Variants in KCNIP4 observed in about 807,000 individuals in gnomAD.
KCNIP4 encodes Kv channel-interacting protein 4.
A neutral mutation model predicts 34.0 loss-of-function variants in KCNIP4; 12 were observed. The ratio of observed to expected loss-of-function variants is 0.35; its 90% confidence interval spans 0.23 to 0.57. KCNIP4 has a LOEUF of 0.57. KCNIP4 is among the 20% of genes least tolerant of loss of function. The pLI, the probability that KCNIP4 is intolerant of heterozygous loss-of-function variation, is 0.83. For synonymous variants in KCNIP4, 124 were observed against 102.2 expected (o/e 1.21, Z -1.29); for missense variants, 238 against 311.7 (o/e 0.76, Z 1.78).
At chr4:21,563,438 T>C (rs936691682) in intron 1 of KCNIP4, among the ~76,000 whole-genome samples, 1 of 152,104 alleles carries the variant, frequency 6.6e-6, no homozygotes, top group Non-Finnish European at 1.5e-5. Flanking sequence ...TGTTACTATA[T>C]TCAAATTGGG....
At chr4:21,487,742 G>A (rs1560453562) in intron 1 of KCNIP4, among the ~76,000 whole-genome samples, 1 of 151,970 alleles carries the variant, frequency 6.6e-6, no homozygotes, top group African/African-American at 2.4e-5. Context: ...TTAATATATT[G>A]GGTTGTAATA....
At chr4:21,643,016 C>A (rs1746725017) in intron 1 of KCNIP4, among the ~76,000 whole-genome samples, 1 of 152,038 alleles carries the variant, frequency 6.6e-6, no homozygotes, top group African/African-American at 2.4e-5. Flanking sequence ...TAACTGTAAC[C>A]TATTGAGGTA....
intron 1 of KCNIP4, among the ~76,000 whole-genome samples, chr4:21,857,750 C>T (rs13142511): frequency 0.074 from 11,273 of 152,272 alleles, 535 homozygotes; most frequent in Middle Eastern, 0.13. Flanking sequence ...AACTCAGGTT[C>T]TGCTGAATGG....
chr4:20,931,032 T>C (rs1446459447), intron 1 of KCNIP4, among the ~76,000 whole-genome samples: 1 of 151,996 alleles, frequency 6.6e-6, no homozygotes, highest in Non-Finnish European at 1.5e-5. Flanking sequence ...AATTCCTCTT[T>C]TGAGTAGGTA....
chr4:21,456,009 C>T (rs1577388833), intron 1 of KCNIP4, among the ~76,000 whole-genome samples: 2 of 145,552 alleles, frequency 1.4e-5, no homozygotes, highest in East Asian at 4.0e-4. Context: ...CTCCTTCCAT[C>T]GTATTTCTCC....
At chr4:21,849,764 T>A (rs542907653) in intron 1 of KCNIP4, 1 of 152,132 alleles carries the variant, frequency 6.6e-6, no homozygotes, top group Non-Finnish European at 1.5e-5. Flanking sequence ...ATAATCTTTA[T>A]GCACAGCAAA....
intron 2 of KCNIP4, among the ~76,000 whole-genome samples, chr4:20,856,784 C>A (rs951591568): frequency 1.3e-5 from 2 of 152,076 alleles, no homozygotes; most frequent in African/African-American, 4.8e-5. Context: ...GGAAATACAG[C>A]AAAAGTAGAG....
At chr4:21,234,417 CTAT>C (rs1560199377) in intron 1 of KCNIP4, among the ~76,000 whole-genome samples, 2 of 125,178 alleles carry the variant, frequency 1.6e-5, no homozygotes, top group African/African-American at 6.4e-5. Context: ...ATAACATATA[CTAT>C]ATATATTACA....
chr4:21,750,431 G>A (rs1560685902), intron 1 of KCNIP4, among the ~76,000 whole-genome samples: 1 of 152,170 alleles, frequency 6.6e-6, no homozygotes, highest in Non-Finnish European at 1.5e-5. Context: ...AGTGACACCA[G>A]CATTTCCAGT....
chr4:21,036,925 G>A (rs113611056), intron 1 of KCNIP4, among the ~76,000 whole-genome samples: 4 of 152,202 alleles, frequency 2.6e-5, no homozygotes, highest in Admixed American at 6.5e-5. Flanking sequence ...GACAAAATGT[G>A]GAGGTGGAAG....
chr4:21,656,049 G>T (rs574618692), intron 1 of KCNIP4, among the ~76,000 whole-genome samples: 1 of 152,268 alleles, frequency 6.6e-6, no homozygotes, highest in South Asian at 2.1e-4. Context: ...ATAAACAACA[G>T]AAATATATTG....
intron 1 of KCNIP4, among the ~76,000 whole-genome samples, chr4:21,466,657 A>G (rs1387276339): frequency 1.3e-5 from 2 of 152,182 alleles, no homozygotes; most frequent in Non-Finnish European, 2.9e-5. Context: ...TTTAATATTA[A>G]GGGTATAAAG....
chr4:21,159,382 T>TTAGGTATTCAA (rs1577808067), intron 1 of KCNIP4, among the ~76,000 whole-genome samples: 2 of 82,318 alleles, frequency 2.4e-5, no homozygotes, highest in South Asian at 3.4e-4. Context: ...ATACTAAAGA[T>TTAGGTATTCAA]ATGTTTGAGG....
intron 1 of KCNIP4, among the ~76,000 whole-genome samples, chr4:21,393,089 G>A (rs1722697526): frequency 6.6e-6 from 1 of 152,098 alleles, no homozygotes; most frequent in South Asian, 2.1e-4. Flanking sequence ...TGAAACGTTT[G>A]CCTCTTTCCT....
chr4:21,286,311 T>C (rs1285976900), intron 1 of KCNIP4, among the ~76,000 whole-genome samples: 2 of 152,210 alleles, frequency 1.3e-5, no homozygotes, highest in African/African-American at 4.8e-5. Context: ...CACCGTTCCC[T>C]ATTAATATGA....
intron 1 of KCNIP4, among the ~76,000 whole-genome samples, chr4:21,216,412 G>A (rs1411734976): frequency 6.6e-6 from 1 of 152,140 alleles, no homozygotes; most frequent in Non-Finnish European, 1.5e-5. Flanking sequence ...GTTAATTGCT[G>A]TGAATGACAT....
intron 1 of KCNIP4, among the ~76,000 whole-genome samples, chr4:21,188,069 A>C (rs1337856781): frequency 1.3e-5 from 2 of 152,238 alleles, no homozygotes; most frequent in South Asian, 2.1e-4. Flanking sequence ...TGTAGCACAT[A>C]GTCAACAGAT....
intron 1 of KCNIP4, among the ~76,000 whole-genome samples, chr4:21,471,448 C>A (rs1730462093): frequency 6.6e-6 from 1 of 152,070 alleles, no homozygotes. Flanking sequence ...TAATAATTAG[C>A]AAATTTTATC....
intron 1 of KCNIP4, among the ~76,000 whole-genome samples, chr4:21,092,191 G>A (rs1747055742): frequency 6.6e-6 from 1 of 151,996 alleles, no homozygotes; most frequent in Non-Finnish European, 1.5e-5. Flanking sequence ...ATTCCTTAAA[G>A]ATGCTTCCAA....
Sources: gnomAD v4.1 joint callset for allele counts (sites outside exome capture counted in the v4.1 genomes callset) on GRCh38, gnomAD v4.1.1 for gene constraint, MANE v1.5 for transcripts, NCBI Gene and HGNC (gene_info 2026-07-23, HGNC 2026-07-21) for gene names.